Variants in RHCE observed in about 807,000 individuals in gnomAD.
RHCE encodes the protein Rh blood group CcEe antigens.
In RHCE, 22 loss-of-function variants were observed where a neutral mutation model predicts 43.8. That is an observed-to-expected ratio of 0.50 (90% CI 0.36 to 0.72). The LOEUF (loss-of-function observed/expected upper bound fraction) is 0.72, where lower values mean the gene tolerates loss of function less well. Among genes scored for constraint, RHCE ranks in the 30% least tolerant of loss-of-function variants. The pLI, the probability that RHCE is intolerant of heterozygous loss-of-function variation, is 0.00. For missense variants in RHCE, 385 were observed against 525.4 expected, an observed-to-expected ratio of 0.73 and a Z score of 2.61; for synonymous variants, 156 against 210.7, an observed-to-expected ratio of 0.74 and a Z score of 2.25.
At chr1:25,373,702 C>A (rs937058760) in intron 8 of RHCE, among the ~76,000 whole-genome samples, 1 of 151,750 alleles carries the variant, frequency 6.6e-6, no homozygotes, top group Non-Finnish European at 1.5e-5. Context: ...CACCACACAA[C>A]TCATAGTGTC....
At chr1:25,396,069 G>T (rs1325936361) in intron 3 of RHCE, among the ~76,000 whole-genome samples, 2 of 151,386 alleles carry the variant, frequency 1.3e-5, no homozygotes, top group Non-Finnish European at 2.9e-5. Context: ...CTTCTGATAT[G>T]ATATACTAAG....
intron 2 of RHCE, among the ~76,000 whole-genome samples, chr1:25,404,169 C>CAAAAAA (rs3079571): frequency 1.8e-4 from 16 of 90,840 alleles, no homozygotes; most frequent in South Asian, 4.5e-4. Context: ...CTCTGTCTCA[C>CAAAAAA]AAAAAAAAAA....
At chr1:25,423,051 C>T (rs568151981), upstream of RHCE, among the ~76,000 whole-genome samples, 93 of 152,234 alleles carry the variant, frequency 6.1e-4, no homozygotes, top group African/African-American at 2.2e-3. Flanking sequence ...TAGATTACTT[C>T]TAAGTCTTCT....
intron 7 of RHCE, 188 bp downstream of exon 7, chr1:25,385,523 A>C: frequency 2.4e-6 from 2 of 847,142 alleles, no homozygotes; most frequent in Admixed American, 3.9e-5. Flanking sequence ...GGTGGCCTGG[A>C]GAGGTGATAA....
chr1:25,397,083 G>A (rs1273478099), intron 3 of RHCE, among the ~76,000 whole-genome samples: 5 of 128,174 alleles, frequency 3.9e-5, no homozygotes, highest in Admixed American at 8.9e-5. Flanking sequence ...CTGCACTCCA[G>A]CCTGGGTGAT....
Position 25,370,482 on chromosome 1 carries a change from G to A in RHCE, c.1212C>T (p.Asp404=). Residue 404 remains aspartate, a synonymous_variant, in exon 9 of 10, where the codon GAC becomes GAT. Coordinates refer to ENST00000294413, the MANE Select transcript of RHCE (RefSeq NM_020485.8). ...KAPHVAKYFD[D]QVFWKFPHLA... ...AAAATCTTACCTTCCAGAAAACTTG[G>A]TCATCAAAATATTTAGCCACATGAG... 2 of 1,612,208 alleles carry A rather than the reference G, an allele frequency of 1.2e-6. No homozygotes were observed. The highest frequency in any genetic ancestry group is 1.1e-5 in the South Asian group (1 of 91,042).
chr1:25,377,306 G>A (rs563869205), intron 7 of RHCE, among the ~76,000 whole-genome samples: 10 of 151,524 alleles, frequency 6.6e-5, no homozygotes, highest in Admixed American at 2.6e-4. Context: ...GTGCAGTGGC[G>A]TGATCTCAGC....
intron 4 of RHCE, among the ~76,000 whole-genome samples, chr1:25,391,492 G>C (rs1316591320): frequency 2.0e-5 from 3 of 148,372 alleles, no homozygotes; most frequent in East Asian, 3.9e-4. Context: ...TGGCCCAAAC[G>C]CTTATTTTTT....
At chr1:25,382,978 A>G (rs1439057951) in intron 7 of RHCE, among the ~76,000 whole-genome samples, 1 of 152,240 alleles carries the variant, frequency 6.6e-6, no homozygotes, top group Non-Finnish European at 1.5e-5. Flanking sequence ...CTGTAAAAAG[A>G]GATACAATGA....
rs1456725467 is a variant in RHCE at position 25,393,620 on chromosome 1, A to T, written c.487-1479T>A. Among the ~76,000 whole-genome samples the T allele has an allele frequency of 4.0e-5, 6 of 150,516 alleles. No homozygotes were observed. In the South Asian group the frequency reaches 1.0e-3, roughly 26 times the overall value. ...TCGGCGACAGAGTGAGACTGCGTCAAATAAATAAATAAAATAAAATGCAAG... is the reference window on the plus strand; with the variant it reads ...TCGGCGACAGAGTGAGACTGCGTCATATAAATAAATAAAATAAAATGCAAG... On this transcript the variant is annotated intron_variant, in intron 3 of 9. Coordinates refer to ENST00000294413, the MANE Select transcript of RHCE (RefSeq NM_020485.8).
chr1:25,373,060 C>T (rs1168177966), intron 8 of RHCE, among the ~76,000 whole-genome samples: 2 of 151,624 alleles, frequency 1.3e-5, no homozygotes, highest in African/African-American at 2.4e-5. Flanking sequence ...CTCAGCTTTC[C>T]AAAGTGCTGG....
rs1456174000 is a variant in RHCE, at chr1:25,370,601, T to C, written c.1154-61A>G. 22 of 1,414,938 alleles carry C rather than the reference T, an allele frequency of 1.6e-5. No individual in the cohort carries two copies. The Admixed American group carries it at 3.6e-4, about 23-fold the overall frequency. The allele number at this position is 1,414,938 out of a possible 1,614,324, so 87.6% of individuals were successfully genotyped here. On this transcript the variant is annotated intron_variant, in intron 8 of 9. Transcript: ENST00000294413. ...GAGCACAGGATTTTTAATCTCAAGA[T>C]TAATCAAAATATTGTGTGTGTCAAA...
At chr1:25,421,312 G>A (rs1244727752), upstream of RHCE, among the ~76,000 whole-genome samples, 1 of 152,150 alleles carries the variant, frequency 6.6e-6, no homozygotes, top group African/African-American at 2.4e-5. Flanking sequence ...TGAGCCCTGG[G>A]GAGGATACAG....
At position 25,404,892 on chromosome 1, in the gene RHCE, A is replaced by G. The variant is rs185168116; in HGVS notation, c.336-2146T>C. On this transcript the variant is annotated intron_variant, in intron 2 of 9. Coordinates refer to ENST00000294413, the MANE Select transcript of RHCE (RefSeq NM_020485.8). ...TCCTGCAGATTTCAAAATACATTAAAAATATCACACTTTTAAGGCCAGGAA... is the reference window on the plus strand; with the variant it reads ...TCCTGCAGATTTCAAAATACATTAAGAATATCACACTTTTAAGGCCAGGAA... Among the ~76,000 whole-genome samples the G allele has an allele frequency of 5.3e-3, 803 of 151,926 alleles. 1 individual carries two copies. Among genetic ancestry groups the G allele is most frequent in the African/African-American group, 0.018 (736 of 41,390 alleles).
At chr1:25,429,750 T>C (rs1442255860) in intron 1 of RHCE, among the ~76,000 whole-genome samples, 1 of 152,152 alleles carries the variant, frequency 6.6e-6, no homozygotes, top group Non-Finnish European at 1.5e-5. Context: ...TGTGTTAATG[T>C]GATGAGACTC....
chr1:25,393,274 C>T (rs575181288), intron 3 of RHCE, among the ~76,000 whole-genome samples: 2 of 152,264 alleles, frequency 1.3e-5, no homozygotes, highest in African/African-American at 4.8e-5. Context: ...CCCATTTCCA[C>T]CCTTGTCTTC....
intron 2 of RHCE, among the ~76,000 whole-genome samples, chr1:25,427,329 C>T (rs1266844839): frequency 6.6e-6 from 1 of 152,212 alleles, no homozygotes; most frequent in Non-Finnish European, 1.5e-5. Flanking sequence ...GAAGGAGGGA[C>T]AAGCCTAAAT....
At chr1:25,418,755 G>A (rs1376313906) in intron 1 of RHCE, among the ~76,000 whole-genome samples, 2 of 152,212 alleles carry the variant, frequency 1.3e-5, no homozygotes, top group East Asian at 1.9e-4. Context: ...TTCAAGAGCT[G>A]GCTGGGCAGG....
chr1:25,411,705 C>T (rs371936850), intron 1 of RHCE, among the ~76,000 whole-genome samples: 34 of 152,186 alleles, frequency 2.2e-4, no homozygotes, highest in African/African-American at 8.2e-4. Context: ...GGTGTGTGAC[C>T]AGGGGACATT....
Sources: gnomAD v4.1 joint callset for allele counts (sites outside exome capture counted in the v4.1 genomes callset) on GRCh38, gnomAD v4.1.1 for gene constraint, MANE v1.5 for transcripts, NCBI Gene and HGNC (gene_info 2026-07-23, HGNC 2026-07-21) for gene names.